NRCAM: variants seen among roughly 807,000 people sequenced by gnomAD.
NRCAM encodes the protein neuronal cell adhesion molecule.
A neutral mutation model predicts 156.5 loss-of-function variants in NRCAM; 83 were observed. The observed-to-expected ratio is 0.53, with a 90% CI of 0.44 to 0.64. The LOEUF (loss-of-function observed/expected upper bound fraction) is 0.64, where lower values mean the gene tolerates loss of function less well. Ranked by LOEUF, NRCAM falls within the 30% of genes least tolerant of loss-of-function variation. The pLI is 0.00. For synonymous variants in NRCAM, 538 were observed against 563.9 expected (o/e 0.95, Z 0.65); for missense variants, 1,417 against 1,597.3 (o/e 0.89, Z 1.92).
At chr7:108,168,127 G>A in intron 29 of NRCAM, 150 bp downstream of exon 29, 1 of 764,312 alleles carries the variant, frequency 1.3e-6, no homozygotes, top group Non-Finnish European at 1.9e-6. Flanking sequence ...GTAGGCTGAT[G>A]GTTCACTATA....
At chr7:108,185,382 C>T (rs1291417926) in intron 20 of NRCAM, among the ~76,000 whole-genome samples, 3 of 152,138 alleles carry the variant, frequency 2.0e-5, no homozygotes, top group Admixed American at 2.0e-4. Flanking sequence ...CATCCATCAA[C>T]AGGACACTGA....
intron 1 of NRCAM, among the ~76,000 whole-genome samples, chr7:108,454,994 C>T (rs1038262055): frequency 1.3e-5 from 2 of 152,022 alleles, no homozygotes; most frequent in Non-Finnish European, 2.9e-5. Context: ...CGGCGCCCTC[C>T]CTCGGTGCCC....
At chr7:108,392,895 G>T (rs993664664) in intron 2 of NRCAM, among the ~76,000 whole-genome samples, 6 of 152,180 alleles carry the variant, frequency 3.9e-5, no homozygotes, top group African/African-American at 1.4e-4. Flanking sequence ...TTGCAGAACA[G>T]CAAATGTTGC....
chr7:108,343,094 G>C (rs929009257), intron 2 of NRCAM, among the ~76,000 whole-genome samples: 1 of 152,212 alleles, frequency 6.6e-6, no homozygotes, highest in Non-Finnish European at 1.5e-5. Flanking sequence ...ACTGATGGAA[G>C]TTCCTTCGTA....
At chr7:108,414,994 T>C (rs1346939451) in intron 1 of NRCAM, among the ~76,000 whole-genome samples, 1 of 152,086 alleles carries the variant, frequency 6.6e-6, no homozygotes, top group Non-Finnish European at 1.5e-5. Context: ...ACAGAGGGGT[T>C]TGGAGGTGAA....
chr7:108,269,050 A>C (rs1220361986), intron 3 of NRCAM, among the ~76,000 whole-genome samples: 1 of 152,084 alleles, frequency 6.6e-6, no homozygotes, highest in African/African-American at 2.4e-5. Flanking sequence ...CCAGGACTTG[A>C]GCCTGGGAAG....
chr7:108,227,605 C>T (rs758926595), intron 8 of NRCAM, among the ~76,000 whole-genome samples: 11 of 152,158 alleles, frequency 7.2e-5, no homozygotes, highest in African/African-American at 1.9e-4. Flanking sequence ...GGAGGTGGAA[C>T]GATTGATCTG....
At position 108,159,594 on chromosome 7, in the gene NRCAM, C is replaced by A. The variant is rs1585311305; in HGVS notation, c.3599-53G>T. On this transcript the variant is annotated intron_variant, in intron 31 of 32. Coordinates refer to ENST00000379028, the MANE Select transcript of NRCAM (RefSeq NM_001037132.4). ...TCTGTTGATCCTGTTCTTTCTTATT[C>A]AAAGTCCATGAAAGCATTCTTTGAG... 3.6e-6 allele frequency: 5 copies of A among 1,386,050 alleles called. No homozygotes were observed. In the East Asian group the frequency reaches 1.1e-4, roughly 32 times the overall value. The allele number at this position is 1,386,050 out of a possible 1,614,324, so 85.9% of individuals were successfully genotyped here. A position where few individuals can be genotyped will look rare whatever the true frequency, so the allele number is the denominator to read the frequency against.
chr7:108,336,403 G>A (rs1045721330), intron 2 of NRCAM, among the ~76,000 whole-genome samples: 1 of 152,126 alleles, frequency 6.6e-6, no homozygotes, highest in African/African-American at 2.4e-5. Context: ...AAACCAGAGC[G>A]ATTAGCTGAT....
At chr7:108,399,171 TTGTGTGTG>T (rs142946755) in intron 2 of NRCAM, among the ~76,000 whole-genome samples, 40 of 150,152 alleles carry the variant, frequency 2.7e-4, no homozygotes, top group African/African-American at 8.6e-4. Context: ...GTGTGTGTGT[TTGTGTGTG>T]TGTGTGTGTA....
chr7:108,336,018 T>C (rs1366062122), intron 2 of NRCAM, among the ~76,000 whole-genome samples: 1 of 152,230 alleles, frequency 6.6e-6, no homozygotes, highest in Non-Finnish European at 1.5e-5. Flanking sequence ...TACACATAAA[T>C]GGACGTCCAG....
intron 13 of NRCAM, among the ~76,000 whole-genome samples, chr7:108,198,639 A>C (rs1048189900): frequency 7.2e-5 from 11 of 152,360 alleles, no homozygotes; most frequent in Admixed American, 2.0e-4. Context: ...CTAGTAAAAA[A>C]TATAGAAACA....
At chr7:108,165,679 T>C (rs933023645) in intron 30 of NRCAM, among the ~76,000 whole-genome samples, 2 of 152,252 alleles carry the variant, frequency 1.3e-5, no homozygotes, top group African/African-American at 2.4e-5. Context: ...TAAAACATTA[T>C]GATTTTAGCA....
In NRCAM at chr7:108,304,620, A is replaced by G. The variant is rs1386294560; in HGVS notation, c.-107+8045T>C. Among the ~76,000 whole-genome samples the G allele has an allele frequency of 2.0e-5, 3 of 152,234 alleles. No homozygotes were observed. In the East Asian group the frequency reaches 5.8e-4, roughly 29 times the overall value. On this transcript the variant is annotated intron_variant, in intron 3 of 32. Coordinates refer to ENST00000379028, the MANE Select transcript of NRCAM (RefSeq NM_001037132.4). The stretch of plus-strand genomic sequence containing the variant: ...ATAAATTAGTATCTTATTTGTACCA[A>G]TGAGACCCAAATGACTTCAGAATAA...
chr7:108,169,214 C>T (rs959610060), intron 28 of NRCAM, among the ~76,000 whole-genome samples: 5 of 152,240 alleles, frequency 3.3e-5, no homozygotes, highest in African/African-American at 1.2e-4. Flanking sequence ...CCAGATGATG[C>T]TACATGCTTG....
rs1563519170 is a variant in NRCAM, at chr7:108,378,686, CACAA to C, written c.-174+20746_-174+20749del. 1.1e-4 allele frequency among the ~76,000 whole-genome samples: 15 copies of C among 136,316 alleles called. 1 individual carries two copies. The highest frequency in any genetic ancestry group is 3.6e-4 in the Admixed American group (5 of 13,808). 89.4% of individuals were successfully genotyped at this position (136,316 alleles called of 152,430 possible). On this transcript the variant is annotated intron_variant, in intron 2 of 32. Transcript: ENST00000379028. ...ACACACACACACACACACACACACA[CACAA>C]ACTCCAAGACACACACTACGGTGAA...
chr7:108,258,696 G>A (rs920620585), intron 3 of NRCAM, among the ~76,000 whole-genome samples: 11 of 152,124 alleles, frequency 7.2e-5, no homozygotes, highest in Admixed American at 2.0e-4. Flanking sequence ...ACCTACCTCC[G>A]GGGCTGTTGA....
intron 32 of NRCAM, among the ~76,000 whole-genome samples, chr7:108,154,356 C>T (rs1465788134): frequency 1.3e-5 from 2 of 152,128 alleles, no homozygotes; most frequent in Non-Finnish European, 2.9e-5. Flanking sequence ...CTTGCTGATA[C>T]ATAGAAATAT....
Position 108,298,489 on chromosome 7 carries a change from C to CA in NRCAM, c.-107+14175dup, listed in dbSNP as rs34020229. On this transcript the variant is annotated intron_variant, in intron 3 of 32. Coordinates refer to ENST00000379028, the MANE Select transcript of NRCAM (RefSeq NM_001037132.4). ...TGAAACCCCGTCTGTAATAAAAATACAAAAAAAAAAAAAATTAGCCGGGTG... is the reference window on the plus strand; with the variant it reads ...TGAAACCCCGTCTGTAATAAAAATACAAAAAAAAAAAAAAATTAGCCGGGTG... 6.0e-3 allele frequency among the ~76,000 whole-genome samples: 853 copies of CA among 143,066 alleles called. 1 individual carries two copies. Among genetic ancestry groups the CA allele is most frequent in the Non-Finnish European group, 8.8e-3 (576 of 65,466 alleles). The allele number at this position is 143,066 out of a possible 152,430, so 93.9% of individuals were successfully genotyped here.
Sources: allele counts gnomAD v4.1 joint callset (sites outside exome capture counted in the v4.1 genomes callset), GRCh38; gene constraint gnomAD v4.1.1; transcripts MANE v1.5; gene names NCBI Gene and HGNC (gene_info 2026-07-23, HGNC 2026-07-21).